PKLR: variants seen among roughly 807,000 people sequenced by gnomAD.
PKLR encodes pyruvate kinase PKLR.
PKLR carries 38 observed loss-of-function variants against 53.6 expected under a neutral mutation model. The ratio of observed to expected loss-of-function variants is 0.71; its 90% CI spans 0.55 to 0.93. The LOEUF is 0.93. Among genes scored for constraint, PKLR ranks in the 40% least tolerant of loss-of-function variants. The pLI, the probability that PKLR is intolerant of heterozygous loss-of-function variation, is 0.00. For synonymous variants in PKLR, 328 were observed against 316.2 expected (o/e 1.04, Z -0.39); for missense variants, 702 against 787.3 (o/e 0.89, Z 1.30).
At chr1:155,304,674 G>GCGC (rs1196552144), upstream of PKLR, among the ~76,000 whole-genome samples, 1 of 152,178 alleles carries the variant, frequency 6.6e-6, no homozygotes, top group Non-Finnish European at 1.5e-5. Context: ...GTAGATGGTA[G>GCGC]CGCCACTAAC....
At position 155,295,245 on chromosome 1, in the gene PKLR, G is replaced by A; in HGVS notation, c.565C>T (p.Pro189Ser). ...KGSQVLVTVD[P>S]AFRTRGNANT... ...GCGTTCCCCCGCGTCCGGAACGCGG[G>A]GTCCACAGTCACCAGCACCTGGGAG... is the stretch of plus-strand genomic sequence containing the variant. Residue 189 changes from proline to serine, a missense_variant, in exon 5 of 11, where the codon CCC becomes TCC. Coordinates refer to ENST00000342741, the MANE Select transcript of PKLR (RefSeq NM_000298.6). The surrounding 1 kb of genome is among the most constrained non-coding windows in gnomAD (Gnocchi z 4.3). The A allele has an allele frequency of 1.9e-6, 3 of 1,614,094 alleles. No individual in the cohort carries two copies. The highest frequency in any genetic ancestry group is 2.5e-6 in the Non-Finnish European group (3 of 1,179,988).
rs2148218860 is a variant in PKLR at position 155,300,150 on chromosome 1, G to A, written c.231C>T (p.Asp77=). ...DTFLEHLCLL[D]IDSEPVAARS... is the part of the protein sequence containing the mutation. ...GAGCAGCCACGGGCTCGGAGTCAAT[G>A]TCCAGTAGGCAGAGGTGTTCCAGGA... Residue 77 remains aspartate, a synonymous_variant, in exon 2 of 11, where the codon GAC becomes GAT. Coordinates refer to ENST00000342741, the MANE Select transcript of PKLR (RefSeq NM_000298.6). The A allele has an allele frequency of 6.2e-7, 1 of 1,614,014 alleles. No homozygotes were observed. The highest frequency in any genetic ancestry group is 8.5e-7 in the Non-Finnish European group (1 of 1,180,004).
At position 155,294,746 on chromosome 1, in the gene PKLR, T is replaced by C; in HGVS notation, c.701A>G (p.Glu234Gly). ...ISLVVQKIGP[E>G]GLVTQVENGG... ...GTTCTCCACTTGGGTCACCAGTCCC[T>C]CTGGGCCTGCGGACATGGAAAGAGC... The change falls in exon 6 of 11, where the codon GAG becomes GGG. Residue 234 changes from glutamate to glycine, a missense_variant. By Grantham distance (98) the Glu-to-Gly change is moderately conservative (BLOSUM62 -2). This residue lies in a region of PKLR where 519 missense variants were observed against 537.1 expected (regional missense o/e 0.97). Coordinates refer to ENST00000342741, the MANE Select transcript of PKLR (RefSeq NM_000298.6). 1 of 1,613,940 alleles carries C rather than the reference T, an allele frequency of 6.2e-7. No individual in the cohort carries two copies. Among genetic ancestry groups the C allele is most frequent in the Non-Finnish European group, 8.5e-7 (1 of 1,180,024 alleles).
upstream of PKLR, among the ~76,000 whole-genome samples, chr1:155,305,567 G>A (rs1224613603): frequency 6.6e-6 from 1 of 152,172 alleles, no homozygotes; most frequent in Non-Finnish European, 1.5e-5. Context: ...CAGACTTCAG[G>A]GACTGGGGAT....
upstream of PKLR, among the ~76,000 whole-genome samples, chr1:155,302,001 C>G (rs540735750): frequency 3.3e-5 from 5 of 151,966 alleles, no homozygotes; most frequent in Non-Finnish European, 7.4e-5. Context: ...TAGACTCCTA[C>G]CCCCAGGGAA....
chr1:155,295,000 G>A, intron 5 of PKLR, 116 bp downstream of exon 5: 2 of 1,251,344 alleles, frequency 1.6e-6, no homozygotes, highest in Admixed American at 2.0e-5. Flanking sequence ...GGGACGGGCT[G>A]GCAAAAACGC....
Position 155,301,164 on chromosome 1 carries a change from A to C in PKLR, c.100+132T>G, listed in dbSNP as rs1647972393. 6 of 1,340,104 alleles carry C rather than the reference A, an allele frequency of 4.5e-6. No homozygotes were observed. In the South Asian group the frequency reaches 7.4e-5, roughly 17 times the overall value. The allele number at this position is 1,340,104 out of a possible 1,614,324, so 83.0% of individuals were successfully genotyped here. ...ATAATTTAACACACGGGAGGCTCTG[A>C]AGAACGTACGTTCCTCTCCAAAACC... is the stretch of plus-strand genomic sequence containing the variant. On this transcript the variant is annotated intron_variant, in intron 1 of 10. Transcript: ENST00000342741.
chr1:155,295,293 A>G lies in PKLR; in HGVS notation c.517T>C (p.Ser173Pro). 1 of 1,613,604 alleles carries G rather than the reference A, an allele frequency of 6.2e-7. No homozygotes were observed. Among genetic ancestry groups the G allele is most frequent in the Non-Finnish European group, 8.5e-7 (1 of 1,179,872 alleles). The change falls in exon 5 of 11, where the codon TCG becomes CCG. Residue 173 changes from serine (S) to proline (P), a missense_variant. Ser to Pro is a moderately conservative substitution (Grantham distance 74). Coordinates refer to ENST00000342741, the MANE Select transcript of PKLR (RefSeq NM_000298.6). This position sits in a 1 kb window ranked among gnomAD's most constrained non-coding sequence, Gnocchi z 4.3. ...RTGILQGGPE[S>P]EVELVKGSQV... The stretch of plus-strand genomic sequence containing the variant: ...GAGCCCTTCACCAGCTCCACTTCCG[A>G]CTCTGGACCCTAAGGAGGGAGCCAG...
rs1459538361 is a variant in PKLR, at chr1:155,294,694, G to T, written c.753C>A (p.Gly251=). The T allele has an allele frequency of 6.2e-7, 1 of 1,613,918 alleles. No individual in the cohort carries two copies. Among genetic ancestry groups the T allele is most frequent in the Admixed American group, 1.7e-5 (1 of 60,016 alleles). ...CCACCTGGGCCCCTGGCAAGTTCAC[G>T]CCCTTCCGGCTGCCCAGGACGCCGC... ...ENGGVLGSRK[G]VNLPGAQVDL... The change falls in exon 6 of 11, where the codon GGC becomes GGA. Residue 251 remains glycine, a synonymous_variant. Transcript: ENST00000342741.
intron 2 of PKLR, among the ~76,000 whole-genome samples, chr1:155,298,332 C>A (rs1469414228): frequency 6.6e-6 from 1 of 151,262 alleles, no homozygotes; most frequent in African/African-American, 2.4e-5. Context: ...CCACGCCTGG[C>A]CTTTTTTTTT....
Position 155,293,686 on chromosome 1 carries a change from C to G in PKLR, c.1117-96G>C. 7.8e-7 allele frequency: 1 copy of G among 1,287,598 alleles called. No individual in the cohort carries two copies. The highest frequency in any genetic ancestry group is 1.1e-6 in the Non-Finnish European group (1 of 894,988). 79.8% of individuals were successfully genotyped at this position (1,287,598 alleles called of 1,614,324 possible). A position where few individuals can be genotyped will look rare whatever the true frequency, so the allele number is the denominator to read the frequency against. ...TCTGACACCCACACTCTCAGAGTGT[C>G]CCAAAATCCAGGGTCACAGTCACAA... On this transcript the variant is annotated intron_variant, in intron 7 of 10. Coordinates refer to ENST00000342741, the MANE Select transcript of PKLR (RefSeq NM_000298.6). This position sits in a 1 kb window ranked among gnomAD's most constrained non-coding sequence, Gnocchi z 4.2.
chr1:155,299,041 T>TTCCTTCC (rs1557963591), intron 2 of PKLR, among the ~76,000 whole-genome samples: 1 of 77,728 alleles, frequency 1.3e-5, no homozygotes, highest in African/African-American at 6.0e-5. Context: ...TTTCTCTTTC[T>TTCCTTCC]TTCTTTCTTT....
At chr1:155,302,046 T>A (rs184691008), upstream of PKLR, among the ~76,000 whole-genome samples, 268 of 151,868 alleles carry the variant, frequency 1.8e-3, no homozygotes, top group African/African-American at 6.3e-3. Flanking sequence ...TCCTTTTTTC[T>A]TTTTCTTTTT....
chr1:155,307,459 TAGG>T, the PKLR span, among the ~76,000 whole-genome samples: 46 of 152,302 alleles, frequency 3.0e-4, no homozygotes, highest in East Asian at 4.6e-3. Context: ...CAGGATGAGA[TAGG>T]AGATTGGCTC....
Position 155,295,112 on chromosome 1 carries a change from G to T in PKLR, c.694+4C>A, listed in dbSNP as rs1251514198. 6.2e-7 allele frequency: 1 copy of T among 1,613,616 alleles called. No homozygotes were observed. Among genetic ancestry groups the T allele is most frequent in the Non-Finnish European group, 8.5e-7 (1 of 1,179,820 alleles). On this transcript the variant is annotated splice_donor_region_variant and intron_variant, in intron 5 of 10. Coordinates refer to ENST00000342741, the MANE Select transcript of PKLR (RefSeq NM_000298.6). This position sits in a 1 kb window ranked among gnomAD's most constrained non-coding sequence, Gnocchi z 4.3. ...TGTGGTCAGGGCGGGAGGCGCGTCC[G>T]CACCGATTTTCTGGACCACTAGGGA...
In PKLR at chr1:155,293,022, G is replaced by A. The variant is rs1647302310; in HGVS notation, c.1436+155C>T. The stretch of plus-strand genomic sequence containing the variant: ...GCCCCCAGAAGCTCACTGGCATTCT[G>A]TCTCTCCTGGCCTCCAGCTGTCATT... On this transcript the variant is annotated intron_variant, in intron 9 of 10. Transcript: ENST00000342741. This position sits in a 1 kb window ranked among gnomAD's most constrained non-coding sequence, Gnocchi z 4.2. 6.6e-6 allele frequency among the ~76,000 whole-genome samples: 1 copy of A among 152,146 alleles called. No individual in the cohort carries two copies. The highest frequency in any genetic ancestry group is 6.5e-5 in the Admixed American group (1 of 15,270).
chr1:155,295,097 G>A lies in PKLR; in HGVS notation c.694+19C>T, dbSNP rs746924372. ...TGCCCAGCGCACGGATGTGGTCAGG[G>A]CGGGAGGCGCGTCCGCACCGATTTT... On this transcript the variant is annotated intron_variant, in intron 5 of 10. Coordinates refer to ENST00000342741, the MANE Select transcript of PKLR (RefSeq NM_000298.6). This position sits in a 1 kb window ranked among gnomAD's most constrained non-coding sequence, Gnocchi z 4.3. 5 of 1,613,026 alleles carry A rather than the reference G, an allele frequency of 3.1e-6. No individual in the cohort carries two copies. Among genetic ancestry groups the A allele is most frequent in the Admixed American group, 3.3e-5 (2 of 59,994 alleles).
chr1:155,298,155 C>T (rs1474002975), intron 2 of PKLR, among the ~76,000 whole-genome samples: 1 of 152,242 alleles, frequency 6.6e-6, no homozygotes, highest in South Asian at 2.1e-4. Flanking sequence ...CCTGCCTCAG[C>T]CTTCCGAGTA....
Position 155,295,310 on chromosome 1 carries a change from G to C in PKLR, c.508-8C>G. 6.2e-7 allele frequency: 1 copy of C among 1,613,796 alleles called. No homozygotes were observed. Among genetic ancestry groups the C allele is most frequent in the South Asian group, 1.1e-5 (1 of 91,082 alleles). Reference sequence around the variant, plus strand: ...CACTTCCGACTCTGGACCCTAAGGAGGGAGCCAGAGGAGATGTGAGTTCTG... The same window carrying C: ...CACTTCCGACTCTGGACCCTAAGGACGGAGCCAGAGGAGATGTGAGTTCTG... On this transcript the variant is annotated splice_polypyrimidine_tract_variant and splice_region_variant and intron_variant, in intron 4 of 10. Coordinates refer to ENST00000342741, the MANE Select transcript of PKLR (RefSeq NM_000298.6). This position sits in a 1 kb window ranked among gnomAD's most constrained non-coding sequence, Gnocchi z 4.3.
Sources: allele counts gnomAD v4.1 joint callset (sites outside exome capture counted in the v4.1 genomes callset), GRCh38; gene constraint gnomAD v4.1.1; regional missense constraint gnomAD v4.1.1; non-coding constraint Gnocchi (gnomAD v3.1); transcripts MANE v1.5; gene names NCBI Gene and HGNC (gene_info 2026-07-23, HGNC 2026-07-21).